The following VPS26A variants were observed in gnomAD, a reference collection of about 807,000 sequenced individuals.
VPS26A encodes VPS26 retromer complex component A.
In VPS26A, 22 loss-of-function variants were observed where a neutral mutation model predicts 42.4. The observed-to-expected ratio is 0.52, with a 90% confidence interval of 0.37 to 0.74. The LOEUF (loss-of-function observed/expected upper bound fraction) is 0.74. Among genes scored for constraint, VPS26A ranks in the 30% least tolerant of loss-of-function variants. The pLI is 0.00. For synonymous variants in VPS26A, 110 were observed against 123.5 expected (o/e 0.89, Z 0.73); for missense variants, 276 against 379.2 (o/e 0.73, Z 2.26).
rs1056451879 is a variant in VPS26A, at chr10:69,173,607, G to A, written c.*2338G>A. Among the ~76,000 whole-genome samples the A allele has an allele frequency of 6.6e-6, 1 of 152,158 alleles. No individual in the cohort carries two copies. Among genetic ancestry groups the A allele is most frequent in the Non-Finnish European group, 1.5e-5 (1 of 68,046 alleles). On this transcript the variant is annotated 3_prime_UTR_variant, in exon 9 of 9. Coordinates refer to ENST00000263559, the MANE Select transcript of VPS26A (RefSeq NM_004896.5). ...TTGGAGAACTTTTCTGTCTTACAAGGGGATTGTAGAATGCACCAATCAACA... is the reference window on the plus strand; with the variant it reads ...TTGGAGAACTTTTCTGTCTTACAAGAGGATTGTAGAATGCACCAATCAACA...
intron 8 of VPS26A, among the ~76,000 whole-genome samples, chr10:69,169,558 A>G (rs1192272192): frequency 3.3e-5 from 5 of 151,762 alleles, no homozygotes; most frequent in African/African-American, 1.2e-4. Context: ...TGGCCTCCCA[A>G]AGTGCTGGGA....
At chr10:69,146,328 G>A (rs1841160287) in intron 2 of VPS26A, among the ~76,000 whole-genome samples, 1 of 152,058 alleles carries the variant, frequency 6.6e-6, no homozygotes, top group Non-Finnish European at 1.5e-5. Context: ...CTTATGATCT[G>A]CCCACCTCGG....
At chr10:69,154,112 T>C (rs1418910962) in intron 2 of VPS26A, among the ~76,000 whole-genome samples, 1 of 152,202 alleles carries the variant, frequency 6.6e-6, no homozygotes, top group Non-Finnish European at 1.5e-5. Context: ...CAATGTGAAG[T>C]TGTATCCTTG....
rs188982849 is a variant in VPS26A, at chr10:69,150,129, C to T, written c.154-5683C>T. On this transcript the variant is annotated intron_variant, in intron 2 of 8. Transcript: ENST00000263559. The stretch of plus-strand genomic sequence containing the variant: ...ATCCAGGCTGGAGTGCAGTGGCTCT[C>T]TGCAAACTGTGCCTCCCGGGTTCTA... Among the ~76,000 whole-genome samples the T allele has an allele frequency of 6.9e-3, 1,050 of 151,556 alleles. 10 individuals carry two copies. The highest frequency in any genetic ancestry group is 0.024 in the African/African-American group (993 of 41,256).
chr10:69,170,795 G>GCTCT (rs1248978272), intron 8 of VPS26A, among the ~76,000 whole-genome samples: 1 of 152,226 alleles, frequency 6.6e-6, no homozygotes, highest in Non-Finnish European at 1.5e-5. Flanking sequence ...GATAGAAAGG[G>GCTCT]CTCTGCCTCT....
At chr10:69,152,144 G>A (rs540440896) in intron 2 of VPS26A, among the ~76,000 whole-genome samples, 8 of 152,096 alleles carry the variant, frequency 5.3e-5, no homozygotes, top group Non-Finnish European at 1.2e-4. Flanking sequence ...GGCAGATTGA[G>A]GCTGCAGTGA....
intron 2 of VPS26A, among the ~76,000 whole-genome samples, chr10:69,145,726 C>CTTTTTT (rs59254404): frequency 6.8e-6 from 1 of 146,308 alleles, no homozygotes; most frequent in Admixed American, 6.8e-5. Context: ...TTTTTCTTTT[C>CTTTTTT]TTTTTTTTTT....
chr10:69,139,261 A>T (rs556096831), intron 2 of VPS26A, among the ~76,000 whole-genome samples: 30 of 152,170 alleles, frequency 2.0e-4, no homozygotes, highest in African/African-American at 7.2e-4. Context: ...GTTTTTCTGA[A>T]TAATCTTGGC....
intron 2 of VPS26A, among the ~76,000 whole-genome samples, chr10:69,137,145 T>G (rs1472302974): frequency 2.0e-5 from 3 of 152,190 alleles, no homozygotes; most frequent in African/African-American, 7.2e-5. Flanking sequence ...AGGTGTAAAC[T>G]ACTAGTTTTA....
At chr10:69,145,205 T>A (rs1841131994) in intron 2 of VPS26A, among the ~76,000 whole-genome samples, 1 of 151,892 alleles carries the variant, frequency 6.6e-6, no homozygotes, top group Non-Finnish European at 1.5e-5. Context: ...TGACTAATTT[T>A]TATATTTTTA....
chr10:69,148,631 C>T (rs1259031715), intron 2 of VPS26A, among the ~76,000 whole-genome samples: 1 of 152,018 alleles, frequency 6.6e-6, no homozygotes, highest in Non-Finnish European at 1.5e-5. Context: ...ATATGTTTGT[C>T]TTAAACAGTG....
rs1214049012 is a variant in VPS26A at position 69,174,269 on chromosome 10, C to A, written c.*3000C>A. On this transcript the variant is annotated 3_prime_UTR_variant, in exon 9 of 9. Transcript: ENST00000263559. Reference sequence around the variant, plus strand: ...TGGAAGGAACCAACTCTGGACACACCTTGAGTACACGAATTTGAAATTACA... The same window carrying A: ...TGGAAGGAACCAACTCTGGACACACATTGAGTACACGAATTTGAAATTACA... 6.6e-6 allele frequency among the ~76,000 whole-genome samples: 1 copy of A among 152,150 alleles called. No individual in the cohort carries two copies. The highest frequency in any genetic ancestry group is 1.5e-5 in the Non-Finnish European group (1 of 68,028).
chr10:69,148,699 A>G (rs1841217096), intron 2 of VPS26A, among the ~76,000 whole-genome samples: 1 of 152,118 alleles, frequency 6.6e-6, no homozygotes, highest in Admixed American at 6.5e-5. Flanking sequence ...AGACATCTCT[A>G]GAATATTGTA....
At chr10:69,138,551 T>C (rs191691028) in intron 2 of VPS26A, among the ~76,000 whole-genome samples, 1 of 152,322 alleles carries the variant, frequency 6.6e-6, no homozygotes, top group East Asian at 1.9e-4. Flanking sequence ...TTCAAGGCCA[T>C]AGTTGCATGC....
intron 1 of VPS26A, among the ~76,000 whole-genome samples, chr10:69,129,810 A>G (rs1840740217): frequency 6.6e-6 from 1 of 152,216 alleles, no homozygotes; most frequent in African/African-American, 2.4e-5. Context: ...GGTGTGAGCT[A>G]CCGCGCCTGG....
Position 69,173,646 on chromosome 10 carries a change from T to C in VPS26A, c.*2377T>C, listed in dbSNP as rs141427869. Among the ~76,000 whole-genome samples, 42 of 152,304 alleles carry C rather than the reference T, an allele frequency of 2.8e-4. No individual in the cohort carries two copies. The highest frequency in any genetic ancestry group is 4.7e-4 in the Non-Finnish European group (32 of 68,026). On this transcript the variant is annotated 3_prime_UTR_variant, in exon 9 of 9. Coordinates refer to ENST00000263559, the MANE Select transcript of VPS26A (RefSeq NM_004896.5). ...CACCAATCAACACTCTAGCTAGGATTGTAAAACGCACTCTGGCTAGCTGGA... is the reference window on the plus strand; with the variant it reads ...CACCAATCAACACTCTAGCTAGGATCGTAAAACGCACTCTGGCTAGCTGGA...
chr10:69,163,766 C>CTTT (rs869154106), intron 6 of VPS26A, among the ~76,000 whole-genome samples: 2 of 133,602 alleles, frequency 1.5e-5, no homozygotes, highest in East Asian at 2.1e-4. Flanking sequence ...TTTCAGTTTT[C>CTTT]TTTTTTTTTT....
At chr10:69,124,344 C>T in intron 1 of VPS26A, 64 bp downstream of exon 1, 1 of 1,228,888 alleles carries the variant, frequency 8.1e-7, no homozygotes. Flanking sequence ...GGCGGGCCGG[C>T]CAACCGCGGG....
intron 2 of VPS26A, among the ~76,000 whole-genome samples, chr10:69,144,998 T>G (rs1185132199): frequency 2.0e-5 from 3 of 151,774 alleles, no homozygotes; most frequent in African/African-American, 7.3e-5. Context: ...TATTCTCCTG[T>G]TTTTTTTCCT....
Sources: gnomAD v4.1 joint callset for allele counts (sites outside exome capture counted in the v4.1 genomes callset) on GRCh38, gnomAD v4.1.1 for gene constraint, MANE v1.5 for transcripts, NCBI Gene and HGNC (gene_info 2026-07-23, HGNC 2026-07-21) for gene names.